The following ACTG2 variants were observed in gnomAD, a reference collection of about 807,000 sequenced individuals.
ACTG2 encodes actin gamma 2, smooth muscle.
ACTG2 carries 16 observed loss-of-function variants against 37.6 expected under a neutral mutation model. That is an observed-to-expected ratio of 0.43 (90% CI 0.29 to 0.65). The LOEUF (loss-of-function observed/expected upper bound fraction) is 0.65. ACTG2 is among the 30% of genes least tolerant of loss of function. The probability of loss-of-function intolerance (pLI) is 0.18; values close to 1 mark genes in which losing one functional copy is unlikely to be tolerated. For synonymous variants in ACTG2, 181 were observed against 179.9 expected, an observed-to-expected ratio of 1.01 and a Z score of -0.05; for missense variants, 238 against 490.9, an observed-to-expected ratio of 0.48 and a Z score of 4.87.
chr2:73,908,809 C>T (rs1680069328), intron 4 of ACTG2, 26 bp downstream of exon 4: 2 of 1,560,764 alleles, frequency 1.3e-6, no homozygotes, highest in African/African-American at 2.7e-5. Flanking sequence ...GACTTGAACA[C>T]TGGCATAAGA....
intron 3 of ACTG2, among the ~76,000 whole-genome samples, chr2:73,905,733 C>G (rs1423966622): frequency 6.6e-6 from 1 of 152,086 alleles, no homozygotes; most frequent in African/African-American, 2.4e-5. Flanking sequence ...CTTCCAATTG[C>G]TATGTTCTTT....
intron 8 of ACTG2, 137 bp downstream of exon 8, chr2:73,916,902 T>G (rs1374787469): frequency 9.8e-7 from 1 of 1,016,354 alleles, no homozygotes; most frequent in Non-Finnish European, 1.4e-6. Context: ...CTGGAGCCAA[T>G]TTTATCCTAC....
intron 3 of ACTG2, among the ~76,000 whole-genome samples, chr2:73,904,248 C>CAAAAAAA (rs61261289): frequency 2.0e-4 from 13 of 65,212 alleles, no homozygotes; most frequent in East Asian, 4.9e-4. Flanking sequence ...GACCATGTCT[C>CAAAAAAA]AAAAAAAAAA....
chr2:73,912,943 G>A (rs1230504621), intron 5 of ACTG2, among the ~76,000 whole-genome samples: 2 of 152,144 alleles, frequency 1.3e-5, no homozygotes, highest in Non-Finnish European at 2.9e-5. Flanking sequence ...CGAGGCAGGT[G>A]AATTGCCTGA....
At chr2:73,893,379 T>C (rs891935249) in intron 1 of ACTG2, among the ~76,000 whole-genome samples, 9 of 152,208 alleles carry the variant, frequency 5.9e-5, no homozygotes, top group Admixed American at 5.2e-4. Context: ...TTGTCTTGGG[T>C]TAGAATGTCT....
chr2:73,907,143 C>A (rs148218494), intron 3 of ACTG2, among the ~76,000 whole-genome samples: 47 of 152,322 alleles, frequency 3.1e-4, no homozygotes, highest in Non-Finnish European at 6.0e-4. Context: ...ACTCCTACCT[C>A]TTCTTTCACT....
intron 6 of ACTG2, among the ~76,000 whole-genome samples, chr2:73,914,190 G>A (rs1653264): frequency 0.58 from 88,414 of 151,904 alleles, 25,974 homozygotes; most frequent in Admixed American, 0.67. Flanking sequence ...AAAGAGGAGT[G>A]GAAGAATTAA....
intron 8 of ACTG2, 83 bp downstream of exon 8, chr2:73,916,848 G>T: frequency 6.7e-7 from 1 of 1,498,606 alleles, no homozygotes; most frequent in South Asian, 1.3e-5. Flanking sequence ...CAGACTGCCA[G>T]ACCTGATAAC....
At chr2:73,918,515 G>A (rs939877863) in intron 8 of ACTG2, among the ~76,000 whole-genome samples, 8 of 151,920 alleles carry the variant, frequency 5.3e-5, no homozygotes, top group South Asian at 2.1e-4. Flanking sequence ...GAGATTCTAC[G>A]GCAACAAAAA....
Position 73,909,036 on chromosome 2 carries a change from T to C in ACTG2, c.367-19T>C. The C allele has an allele frequency of 6.2e-7, 1 of 1,611,740 alleles. No homozygotes were observed. The highest frequency in any genetic ancestry group is 2.2e-5 in the East Asian group (1 of 44,882). ...GTGATTTTTGCCAAATAATCTTTTA[T>C]TCTTCATTGTCCTTTAAGATCATGT... On this transcript the variant is annotated intron_variant, in intron 4 of 8. Coordinates refer to ENST00000345517, the MANE Select transcript of ACTG2 (RefSeq NM_001615.4).
At chr2:73,904,660 T>TA (rs1491483197) in intron 3 of ACTG2, among the ~76,000 whole-genome samples, 12 of 29,810 alleles carry the variant, frequency 4.0e-4, no homozygotes, top group East Asian at 7.4e-4. Flanking sequence ...CCTATATATA[T>TA]TTTTTTTTAA....
rs1016703148 is a variant in ACTG2, at chr2:73,910,359, T to C, written c.451+1220T>C. Among the ~76,000 whole-genome samples, 7 of 140,356 alleles carry C rather than the reference T, an allele frequency of 5.0e-5. No homozygotes were observed. In the East Asian group the frequency reaches 8.1e-4, roughly 16 times the overall value. The allele number at this position is 140,356 out of a possible 152,430, so 92.1% of individuals were successfully genotyped here. A position where few individuals can be genotyped will look rare whatever the true frequency, so the allele number is the denominator to read the frequency against. ...GTGACAGTAATAGAAAAACATCTTTTTTCGACTTTTTTTTTTTTTTTTTTT... is the reference window on the plus strand; with the variant it reads ...GTGACAGTAATAGAAAAACATCTTTCTTCGACTTTTTTTTTTTTTTTTTTT... On this transcript the variant is annotated intron_variant, in intron 5 of 8. Transcript: ENST00000345517.
chr2:73,901,317 T>G lies in ACTG2; in HGVS notation c.6T>G (p.Cys2Trp). ...CTCACTCAGCCACACACACCATGTG[T>G]GAAGAGGAGACCACCGCGCTCGTGT... Reference protein sequence around the residue: MCEEETTALVCD... With the variant: MWEEETTALVCD... Residue 2 changes from cysteine to tryptophan, a missense_variant, in exon 2 of 9, where the codon TGT becomes TGG. By Grantham distance (215) the Cys-to-Trp change is radical (BLOSUM62 -2). Coordinates refer to ENST00000345517, the MANE Select transcript of ACTG2 (RefSeq NM_001615.4). 6.2e-7 allele frequency: 1 copy of G among 1,606,292 alleles called. No individual in the cohort carries two copies. The highest frequency in any genetic ancestry group is 8.5e-7 in the Non-Finnish European group (1 of 1,175,078).
chr2:73,913,559 A>G lies in ACTG2; in HGVS notation c.526A>G (p.Ile176Val). ...TGAAGGCTATGCCCTGCCCCATGCC[A>G]TCATGCGCCTGGACTTGGCTGGCCG... is the stretch of plus-strand genomic sequence containing the variant. Reference protein sequence around the residue: ...IYEGYALPHAIMRLDLAGRDL... With the variant: ...IYEGYALPHAVMRLDLAGRDL... Residue 176 changes from isoleucine to valine, a missense_variant, in exon 6 of 9, where the codon ATC becomes GTC. Transcript: ENST00000345517. 2 of 1,614,018 alleles carry G rather than the reference A, an allele frequency of 1.2e-6. No individual in the cohort carries two copies. Among genetic ancestry groups the G allele is most frequent in the Non-Finnish European group, 1.7e-6 (2 of 1,179,948 alleles).
At chr2:73,917,247 G>GA (rs1680289656) in intron 8 of ACTG2, among the ~76,000 whole-genome samples, 1 of 152,158 alleles carries the variant, frequency 6.6e-6, no homozygotes, top group Admixed American at 6.5e-5. Context: ...CAGGAGATGG[G>GA]AAATAGAAGG....
chr2:73,906,637 C>G (rs1680022476), intron 3 of ACTG2, among the ~76,000 whole-genome samples: 1 of 151,858 alleles, frequency 6.6e-6, no homozygotes, highest in Non-Finnish European at 1.5e-5. Flanking sequence ...CACACCACAT[C>G]CAGTTGATTT....
At chr2:73,898,268 C>A (rs935329089) in intron 1 of ACTG2, among the ~76,000 whole-genome samples, 1 of 147,722 alleles carries the variant, frequency 6.8e-6, no homozygotes, top group African/African-American at 2.5e-5. Context: ...TTCCCAGCCT[C>A]TTCTCGGTGA....
At position 73,904,765 on chromosome 2, in the gene ACTG2, GTGTGTGTGTGTGTATATATATA is replaced by G. The variant is rs1431881322; in HGVS notation, c.255+2279_255+2300del. On this transcript the variant is annotated intron_variant, in intron 3 of 8. Coordinates refer to ENST00000345517, the MANE Select transcript of ACTG2 (RefSeq NM_001615.4). ...TGTGTGTGTGTGTGTGTGTGTGTGTGTGTGTGTGTGTGTATATATATATATATATATATATATATATATATAT... is the reference window on the plus strand; with the variant it reads ...TGTGTGTGTGTGTGTGTGTGTGTGTGTATATATATATATATATATATATAT... 9.4e-3 allele frequency among the ~76,000 whole-genome samples: 562 copies of G among 59,954 alleles called. 11 individuals are homozygous for G. Among genetic ancestry groups the G allele is most frequent in the East Asian group, 0.079 (245 of 3,102 alleles). The allele number at this position is 59,954 out of a possible 152,430, so 39.3% of individuals were successfully genotyped here. A position where few individuals can be genotyped will look rare whatever the true frequency, so the allele number is the denominator to read the frequency against.
At chr2:73,914,111 C>T (rs1204966482) in intron 6 of ACTG2, among the ~76,000 whole-genome samples, 1 of 152,116 alleles carries the variant, frequency 6.6e-6, no homozygotes, top group Non-Finnish European at 1.5e-5. Context: ...CCCAGGAAGG[C>T]CTAAGGCTTT....
Sources: gnomAD v4.1 joint callset for allele counts (sites outside exome capture counted in the v4.1 genomes callset) on GRCh38, gnomAD v4.1.1 for gene constraint, MANE v1.5 for transcripts, NCBI Gene and HGNC (gene_info 2026-07-23, HGNC 2026-07-21) for gene names.